The following FNBP4 variants were observed in gnomAD, a reference collection of about 807,000 sequenced individuals.
The protein encoded by FNBP4 is formin-binding protein 4.
In FNBP4, 34 loss-of-function variants were observed where a neutral mutation model predicts 119.3. The observed-to-expected ratio is 0.28, with a 90% CI of 0.22 to 0.38. FNBP4 has a LOEUF of 0.38. FNBP4 is among the 10% of genes least tolerant of loss of function. The pLI is 1.00. For missense variants in FNBP4, 1,112 were observed against 1,228.9 expected (o/e 0.90, Z 1.42); for synonymous variants, 462 against 430.6 (o/e 1.07, Z -0.90).
In FNBP4 at chr11:47,754,662, C is replaced by T. The variant is rs200495115; in HGVS notation, c.316G>A (p.Gly106Ser). 2.0e-4 allele frequency: 330 copies of T among 1,612,106 alleles called. No homozygotes were observed. The highest frequency in any genetic ancestry group is 1.2e-4 in the Admixed American group (7 of 59,396). Residue 106 changes from glycine to serine, a missense_variant and splice_region_variant, in exon 3 of 17, where the codon GGT becomes AGT. Around this residue, in one of 2 missense-constraint regions of FNBP4, gnomAD observed 286 missense variants for 240.1 expected, o/e 1.19. Transcript: ENST00000263773. Reference protein sequence around the residue: ...TRPTAVKATGGLCLLGAYADS... With the variant: ...TRPTAVKATGSLCLLGAYADS... The stretch of plus-strand genomic sequence containing the variant: ...GCATAAGCACCAAGCAAGCATAGAC[C>T]GCCTAGAAACAAAAAGGTAAACAGT...
chr11:47,763,646 G>T (rs1242177274), intron 2 of FNBP4, among the ~76,000 whole-genome samples: 1 of 151,770 alleles, frequency 6.6e-6, no homozygotes, highest in African/African-American at 2.4e-5. Context: ...GACTACAGGC[G>T]CCCGCCACCA....
chr11:47,741,825 A>T (rs1051612266), intron 8 of FNBP4, among the ~76,000 whole-genome samples: 3 of 148,498 alleles, frequency 2.0e-5, no homozygotes, highest in Non-Finnish European at 4.5e-5. Context: ...AAAAAAAAAT[A>T]AAAAAATAAA....
intron 8 of FNBP4, among the ~76,000 whole-genome samples, chr11:47,739,216 T>C (rs10769293): frequency 0.93 from 141,220 of 152,040 alleles, 66,492 homozygotes; most frequent in East Asian, 1. Context: ...AAAGCTGAGC[T>C]ATTGCATCCG....
chr11:47,752,800 C>T (rs1303219561), intron 4 of FNBP4, 116 bp downstream of exon 4: 11 of 982,058 alleles, frequency 1.1e-5, no homozygotes, highest in Non-Finnish European at 1.7e-5. Context: ...GGCGACAGAG[C>T]GAGATTCCAT....
At chr11:47,720,763 A>AT (rs1421517178) in intron 15 of FNBP4, among the ~76,000 whole-genome samples, 1 of 137,014 alleles carries the variant, frequency 7.3e-6, no homozygotes, top group Non-Finnish European at 1.6e-5. Flanking sequence ...CTCCCAAGTG[A>AT]TTTAAAAAAA....
In FNBP4 at chr11:47,754,663, G is replaced by A. The variant is rs373072684; in HGVS notation, c.315C>T (p.Gly105=). ...TTRPTAVKAT[G]GLCLLGAYAD... ...CATAAGCACCAAGCAAGCATAGACC[G>A]CCTAGAAACAAAAAGGTAAACAGTA... Residue 105 remains glycine (G), a splice_region_variant and synonymous_variant, in exon 3 of 17, where the codon GGC becomes GGT. Coordinates refer to ENST00000263773, the MANE Select transcript of FNBP4 (RefSeq NM_015308.5). The A allele has an allele frequency of 2.3e-5, 37 of 1,611,662 alleles. 1 individual carries two copies. Among genetic ancestry groups the A allele is most frequent in the South Asian group, 2.1e-4 (19 of 90,620 alleles).
At chr11:47,736,078 AC>A (rs141107994) in intron 9 of FNBP4, among the ~76,000 whole-genome samples, 51,994 of 99,496 alleles carry the variant, frequency 0.52, 10,438 homozygotes, top group South Asian at 0.68. Flanking sequence ...ACTCCGACTC[AC>A]AAAAAAAAAA....
chr11:47,751,215 G>C lies in FNBP4; in HGVS notation c.713C>G (p.Thr238Arg), dbSNP rs1443453516. The change falls in exon 5 of 17, where the codon ACA becomes AGA. Residue 238 changes from threonine to arginine, a missense_variant. Transcript: ENST00000263773. The stretch of plus-strand genomic sequence containing the variant: ...GGGTAACTCCCAAGTCACTTCATTT[G>C]TTTGTGTATTCCAATAATAATAACA... ...TGCYYYWNTQ[T>R]NEVTWELPQY... The C allele has an allele frequency of 1.2e-6, 2 of 1,614,068 alleles. No homozygotes were observed. Among genetic ancestry groups the C allele is most frequent in the Non-Finnish European group, 1.7e-6 (2 of 1,180,002 alleles).
rs1050331641 is a variant in FNBP4, at chr11:47,729,147, C to T, written c.2008+2227G>A. 11 of 984,716 alleles carry T rather than the reference C, an allele frequency of 1.1e-5. No homozygotes were observed. The South Asian group carries it at 2.3e-4, about 21-fold the overall frequency. The allele number at this position is 984,716 out of a possible 1,614,324, so 61.0% of individuals were successfully genotyped here. On this transcript the variant is annotated intron_variant, in intron 12 of 16. Coordinates refer to ENST00000263773, the MANE Select transcript of FNBP4 (RefSeq NM_015308.5). The stretch of plus-strand genomic sequence containing the variant: ...GATTACAGGCATGAGCCACTGCACC[C>T]GGCCTAGGCATCTTTATTTCTATGT...
At chr11:47,762,730 T>A (rs866561229) in intron 2 of FNBP4, among the ~76,000 whole-genome samples, 2 of 151,052 alleles carry the variant, frequency 1.3e-5, no homozygotes, top group African/African-American at 2.4e-5. Context: ...CTGGCCAACA[T>A]GGTGAACCGT....
intron 3 of FNBP4, among the ~76,000 whole-genome samples, chr11:47,753,919 A>T (rs1003519805): frequency 7.2e-5 from 11 of 152,158 alleles, no homozygotes; most frequent in African/African-American, 2.4e-4. Context: ...GCTTTACAAA[A>T]AGAAAAGGGA....
chr11:47,762,048 G>A (rs2097636128), intron 2 of FNBP4, among the ~76,000 whole-genome samples: 1 of 151,810 alleles, frequency 6.6e-6, no homozygotes, highest in South Asian at 2.1e-4. Flanking sequence ...GTGCTGGTCA[G>A]GCTGGTCTCG....
intron 12 of FNBP4, chr11:47,729,559 G>A: frequency 1.0e-6 from 1 of 969,074 alleles, no homozygotes; most frequent in South Asian, 4.8e-5. Flanking sequence ...GCTCAGGCTG[G>A]AGTGCAGTGG....
At chr11:47,755,576 G>T (rs1258570998) in intron 2 of FNBP4, among the ~76,000 whole-genome samples, 1 of 148,812 alleles carries the variant, frequency 6.7e-6, no homozygotes, top group Non-Finnish European at 1.5e-5. Flanking sequence ...TTTGAGCCCA[G>T]AATCTGAGAC....
chr11:47,733,050 G>A (rs946796232), intron 10 of FNBP4, among the ~76,000 whole-genome samples: 1 of 152,158 alleles, frequency 6.6e-6, no homozygotes. Context: ...CCCGGGAGGC[G>A]GAGGTTGTGG....
At chr11:47,722,801 G>C (rs931696919) in intron 15 of FNBP4, among the ~76,000 whole-genome samples, 175 bp downstream of exon 15, 17 of 152,088 alleles carry the variant, frequency 1.1e-4, no homozygotes, top group African/African-American at 3.9e-4. Flanking sequence ...ATGTTGGGCA[G>C]GCTGGTCTCG....
chr11:47,723,350 A>G (rs1299865373), intron 14 of FNBP4, 34 bp from the exon 15 acceptor site: 1 of 1,559,998 alleles, frequency 6.4e-7, no homozygotes, highest in Non-Finnish European at 8.7e-7. Flanking sequence ...TACTATAAAA[A>G]GGACATCATG....
Position 47,724,551 on chromosome 11 carries a change from C to T in FNBP4, c.2236G>A (p.Gly746Arg). 3.1e-6 allele frequency: 5 copies of T among 1,614,156 alleles called. No homozygotes were observed. Among genetic ancestry groups the T allele is most frequent in the Non-Finnish European group, 4.2e-6 (5 of 1,180,026 alleles). The change falls in exon 13 of 17, where the codon GGA becomes AGA. Residue 746 changes from glycine (G) to arginine (R), a missense_variant. By Grantham distance (125) the Gly-to-Arg change is moderately radical. Coordinates refer to ENST00000263773, the MANE Select transcript of FNBP4 (RefSeq NM_015308.5). ...CCTGGGGCAGGGGGCTCCTCACTTC[C>T]CTCATCCTCCATCTCTACCTCCTGG... ...EIQEVEMEDEGSEEPPAPGTE... is the reference protein window; with the variant it reads ...EIQEVEMEDERSEEPPAPGTE...
chr11:47,757,368 C>G (rs542419050), intron 2 of FNBP4, among the ~76,000 whole-genome samples: 1 of 152,110 alleles, frequency 6.6e-6, no homozygotes, highest in African/African-American at 2.4e-5. Flanking sequence ...GCGCCCGCCA[C>G]GCCCGGCTAA....
Sources: allele counts gnomAD v4.1 joint callset (sites outside exome capture counted in the v4.1 genomes callset), GRCh38; gene constraint gnomAD v4.1.1; regional missense constraint gnomAD v4.1.1; transcripts MANE v1.5; gene names NCBI Gene and HGNC (gene_info 2026-07-23, HGNC 2026-07-21).